Variants in KANK1 observed in about 807,000 individuals in gnomAD.
KANK1 encodes the protein KN motif and ankyrin repeat domain-containing protein 1.
Under a neutral mutation model 106.2 loss-of-function variants are expected in KANK1, and 109 were observed. The ratio of observed to expected loss-of-function variants is 1.03; its 90% CI spans 0.88 to 1.20. The LOEUF (loss-of-function observed/expected upper bound fraction) is 1.20, where lower values mean the gene tolerates loss of function less well. Ranked by LOEUF, KANK1 falls within the 50% of genes most tolerant of loss-of-function variation. The probability of loss-of-function intolerance (pLI) is 0.00; values close to 1 mark genes in which losing one functional copy is unlikely to be tolerated. For synonymous variants in KANK1, 873 were observed against 652.2 expected, an observed-to-expected ratio of 1.34 and a Z score of -5.16; for missense variants, 2,399 against 1,710.7, an observed-to-expected ratio of 1.40 and a Z score of -7.10.
intron 1 of KANK1, among the ~76,000 whole-genome samples, chr9:507,190 A>C (rs1028971426): frequency 8.6e-5 from 13 of 150,484 alleles, no homozygotes; most frequent in Non-Finnish European, 1.6e-4. Flanking sequence ...CCGTCTCTAC[A>C]AAAAAAATAA....
upstream of KANK1, among the ~76,000 whole-genome samples, chr9:502,485 A>G (rs778591239): frequency 1.7e-4 from 26 of 151,902 alleles, 1 homozygote; most frequent in Non-Finnish European, 7.4e-5. Flanking sequence ...AGAGGGAGAA[A>G]TAAAGGAGAG....
At chr9:684,077 G>C (rs1818078818) in intron 2 of KANK1, 1 of 716,288 alleles carries the variant, frequency 1.4e-6, no homozygotes, top group Non-Finnish European at 1.7e-6. Flanking sequence ...AGCCCCCGGA[G>C]AGGTTTTGAA....
At chr9:696,262 T>C (rs982150470) in intron 2 of KANK1, among the ~76,000 whole-genome samples, 26 of 149,652 alleles carry the variant, frequency 1.7e-4, no homozygotes, top group African/African-American at 4.4e-4. Flanking sequence ...CCAGCCTGGG[T>C]GACAGAGCGA....
intron 2 of KANK1, among the ~76,000 whole-genome samples, chr9:681,899 A>G (rs1233030745): frequency 2.6e-5 from 4 of 152,102 alleles, no homozygotes; most frequent in African/African-American, 9.7e-5. Flanking sequence ...CTTTTCCCTC[A>G]TGCTCTTTCT....
intron 1 of KANK1, among the ~76,000 whole-genome samples, chr9:600,802 C>T (rs1400237764): frequency 6.6e-6 from 1 of 151,830 alleles, no homozygotes; most frequent in African/African-American, 2.4e-5. Context: ...CCAGTGTTCG[C>T]TTCTTTTGCA....
intron 1 of KANK1, among the ~76,000 whole-genome samples, chr9:558,464 T>A (rs1815471932): frequency 6.6e-6 from 1 of 152,248 alleles, no homozygotes; most frequent in Non-Finnish European, 1.5e-5. Context: ...TTGTTTTGCA[T>A]GTGTTTCTGT....
intron 3 of KANK1, among the ~76,000 whole-genome samples, chr9:482,497 A>C (rs1415743230): frequency 1.3e-5 from 2 of 152,166 alleles, no homozygotes; most frequent in Admixed American, 6.5e-5. Flanking sequence ...AATGGGGCAC[A>C]ATATTTTCCC....
rs1002858852 is a variant in KANK1, at chr9:745,304, ATACT to A, written c.*70_*73del. The A allele has an allele frequency of 1.6e-5, 25 of 1,581,396 alleles. No individual in the cohort carries two copies. Among genetic ancestry groups the A allele is most frequent in the Non-Finnish European group, 2.2e-5 (25 of 1,150,920 alleles). On this transcript the variant is annotated 3_prime_UTR_variant, in exon 12 of 12. Transcript: ENST00000382297. ...CTAATTGTTCCTGTTGGGGTGACAG[ATACT>A]GAATGTATACGTATTGTGCCTGAGC...
chr9:481,863 A>T, intron 3 of KANK1, among the ~76,000 whole-genome samples: 1 of 151,800 alleles, frequency 6.6e-6, no homozygotes, highest in Non-Finnish European at 1.5e-5. Context: ...AAAATAAAGG[A>T]TGAACATTCA....
At chr9:707,314 G>A in intron 2 of KANK1, 1 of 844,010 alleles carries the variant, frequency 1.2e-6, no homozygotes, top group Non-Finnish European at 1.4e-6. Context: ...TGGGCGAGGG[G>A]GGCCGGCCGG....
chr9:740,763 AAG>A (rs1378387469), intron 8 of KANK1, 27 bp from the exon 9 acceptor site: 2 of 1,578,184 alleles, frequency 1.3e-6, no homozygotes, highest in African/African-American at 1.5e-5. Flanking sequence ...GCTGCTTCCT[AAG>A]AGACTTTTTT....
intron 1 of KANK1, among the ~76,000 whole-genome samples, chr9:655,564 G>A (rs1383142598): frequency 2.6e-5 from 4 of 152,104 alleles, no homozygotes; most frequent in African/African-American, 9.7e-5. Flanking sequence ...TAGGTCTAGG[G>A]TAGGGCCCAA....
At chr9:523,653 C>T (rs1417316566) in intron 1 of KANK1, among the ~76,000 whole-genome samples, 3 of 151,604 alleles carry the variant, frequency 2.0e-5, no homozygotes, top group African/African-American at 7.3e-5. Context: ...TCCCTTTTGC[C>T]TCCCTTAGGG....
intron 2 of KANK1, among the ~76,000 whole-genome samples, chr9:703,247 C>T (rs1011809596): frequency 4.6e-5 from 7 of 152,166 alleles, no homozygotes; most frequent in Non-Finnish European, 1.0e-4. Context: ...CCACCCTGGC[C>T]TCCCAAAGTG....
At chr9:698,133 C>T (rs779139214) in intron 2 of KANK1, among the ~76,000 whole-genome samples, 8 of 152,140 alleles carry the variant, frequency 5.3e-5, no homozygotes, top group Admixed American at 2.6e-4. Context: ...TGGTCAGATG[C>T]GGGTGGATAG....
At chr9:607,277 G>C (rs1829445220) in intron 1 of KANK1, among the ~76,000 whole-genome samples, 1 of 151,654 alleles carries the variant, frequency 6.6e-6, no homozygotes, top group Non-Finnish European at 1.5e-5. Flanking sequence ...CTTGAGGTCA[G>C]AAGTTCAAGA....
At chr9:479,507 G>C (rs10974743) in intron 3 of KANK1, among the ~76,000 whole-genome samples, 50,591 of 152,022 alleles carry the variant, frequency 0.33, 10,556 homozygotes, top group African/African-American at 0.57. Flanking sequence ...AAATGGGGAC[G>C]GAGGGACTAA....
At chr9:686,775 A>G in intron 2 of KANK1, 1 of 985,442 alleles carries the variant, frequency 1.0e-6, no homozygotes, top group Non-Finnish European at 1.2e-6. Flanking sequence ...AGTGGGCCCA[A>G]GCATCACACA....
chr9:629,860 T>C (rs1444968485), intron 1 of KANK1, among the ~76,000 whole-genome samples: 1 of 152,236 alleles, frequency 6.6e-6, no homozygotes, highest in Non-Finnish European at 1.5e-5. Context: ...ACTCATTTAC[T>C]GAGTGTTTTC....
Sources: allele counts gnomAD v4.1 joint callset (sites outside exome capture counted in the v4.1 genomes callset), GRCh38; gene constraint gnomAD v4.1.1; transcripts MANE v1.5; gene names NCBI Gene and HGNC (gene_info 2026-07-23, HGNC 2026-07-21).